The following GRK5 variants were observed in gnomAD, a reference collection of about 807,000 sequenced individuals.
GRK5 encodes g protein-coupled receptor kinase GRK5.
Under a neutral mutation model 78.4 loss-of-function variants are expected in GRK5, and 40 were observed. That is an observed-to-expected ratio of 0.51 (90% CI 0.40 to 0.66). The LOEUF is 0.66. Among genes scored for constraint, GRK5 ranks in the 30% least tolerant of loss-of-function variants. The pLI is 0.00. For missense variants in GRK5, 598 were observed against 759.9 expected (o/e 0.79, Z 2.50); for synonymous variants, 289 against 296.8 (o/e 0.97, Z 0.27).
intron 1 of GRK5, among the ~76,000 whole-genome samples, chr10:119,256,642 C>T (rs1283260038): frequency 6.6e-5 from 10 of 152,004 alleles, no homozygotes; most frequent in East Asian, 1.9e-4. Flanking sequence ...ACCCCTCACC[C>T]GTCGCCTCTT....
chr10:119,269,832 TAAAAAAAAAA>T (rs1158379424), intron 1 of GRK5, among the ~76,000 whole-genome samples: 1 of 96,148 alleles, frequency 1.0e-5, no homozygotes, highest in Non-Finnish European at 2.0e-5. Flanking sequence ...GACTCCATCT[TAAAAAAAAAA>T]AAAAAAAAAA....
intron 3 of GRK5, among the ~76,000 whole-genome samples, chr10:119,394,477 G>T: frequency 1.1e-5 from 1 of 88,074 alleles, no homozygotes; most frequent in Middle Eastern, 5.2e-3. Flanking sequence ...GTGGATGTGT[G>T]TGGGTGTGTG....
At chr10:119,326,711 G>A in intron 2 of GRK5, 100 bp downstream of exon 2, 2 of 848,530 alleles carry the variant, frequency 2.4e-6, no homozygotes, top group Admixed American at 1.9e-5. Context: ...CAAGCTGTCT[G>A]TGCAGTGAGG....
Position 119,431,413 on chromosome 10 carries a change from G to C in GRK5, c.624G>C (p.Thr208=). 1 of 1,613,874 alleles carries C rather than the reference G, an allele frequency of 6.2e-7. No homozygotes were observed. Among genetic ancestry groups the C allele is most frequent in the Non-Finnish European group, 8.5e-7 (1 of 1,179,826 alleles). ...GEVCACQVRA[T]GKMYACKRLE... is the part of the protein sequence containing the mutation. ...TCTGTGCCTGCCAGGTTCGGGCCACGGGTAAAATGTATGCCTGCAAGCGCT... is the reference window on the plus strand; with the variant it reads ...TCTGTGCCTGCCAGGTTCGGGCCACCGGTAAAATGTATGCCTGCAAGCGCT... The change falls in exon 8 of 16, where the codon ACG becomes ACC. Residue 208 remains threonine, a synonymous_variant. Coordinates refer to ENST00000392870, the MANE Select transcript of GRK5 (RefSeq NM_005308.3). This position sits in a 1 kb window ranked among gnomAD's most constrained non-coding sequence, Gnocchi z 4.8.
chr10:119,360,438 A>C (rs1213834636), intron 2 of GRK5, among the ~76,000 whole-genome samples: 1 of 151,358 alleles, frequency 6.6e-6, no homozygotes, highest in Non-Finnish European at 1.5e-5. Context: ...AGTCTGTGTG[A>C]GTGGGAGGAG....
intron 2 of GRK5, among the ~76,000 whole-genome samples, chr10:119,365,110 A>G (rs536446047): frequency 3.3e-5 from 5 of 152,352 alleles, no homozygotes; most frequent in Admixed American, 1.3e-4. Flanking sequence ...AGAGCTTACA[A>G]GGTCTAGACA....
intron 6 of GRK5, among the ~76,000 whole-genome samples, chr10:119,427,604 A>G (rs983749494): frequency 2.0e-5 from 3 of 151,948 alleles, no homozygotes; most frequent in African/African-American, 7.3e-5. Flanking sequence ...CATCACCATC[A>G]TCAGCATCAC....
At chr10:119,335,175 T>TCTCTCTCC (rs1387026472) in intron 2 of GRK5, among the ~76,000 whole-genome samples, 4 of 113,212 alleles carry the variant, frequency 3.5e-5, no homozygotes, top group African/African-American at 7.6e-5. Context: ...TCTCTCTCTC[T>TCTCTCTCC]CCCCCTCTCC....
At position 119,238,806 on chromosome 10, in the gene GRK5, A is replaced by G. The variant is rs901633299; in HGVS notation, c.52+30837A>G. 6.6e-6 allele frequency among the ~76,000 whole-genome samples: 1 copy of G among 152,176 alleles called. No individual in the cohort carries two copies. The highest frequency in any genetic ancestry group is 1.5e-5 in the Non-Finnish European group (1 of 68,036). ...ATGATGACCCCGGAGAAGGGTGGTC[A>G]TATGGCCAGTGTCAGGATTAATAGA... On this transcript the variant is annotated intron_variant, in intron 1 of 15. Coordinates refer to ENST00000392870, the MANE Select transcript of GRK5 (RefSeq NM_005308.3). This position sits in a 1 kb window ranked among gnomAD's most constrained non-coding sequence, Gnocchi z 4.7.
chr10:119,422,615 C>T (rs558067500), intron 4 of GRK5, among the ~76,000 whole-genome samples: 42 of 152,348 alleles, frequency 2.8e-4, no homozygotes, highest in African/African-American at 1.0e-3. Context: ...TTGGCCTGAT[C>T]CAAACCCTTT....
chr10:119,430,234 A>G lies in GRK5; in HGVS notation c.534-141A>G, dbSNP rs1203896153. 6.8e-6 allele frequency: 5 copies of G among 733,020 alleles called. No homozygotes were observed. The highest frequency in any genetic ancestry group is 1.2e-5 in the Non-Finnish European group (5 of 417,870). The allele number at this position is 733,020 out of a possible 1,614,324, so 45.4% of individuals were successfully genotyped here. On this transcript the variant is annotated intron_variant, in intron 6 of 15. Transcript: ENST00000392870. The surrounding 1 kb of genome is among the most constrained non-coding windows in gnomAD (Gnocchi z 4.5). ...GTCCTCGAAGGTCCAGTCTCCAGCG[A>G]TGATTCCTGGGGGGTCCCTGGGGCT... is the stretch of plus-strand genomic sequence containing the variant.
At chr10:119,241,866 A>T (rs1849033638) in intron 1 of GRK5, among the ~76,000 whole-genome samples, 1 of 152,228 alleles carries the variant, frequency 6.6e-6, no homozygotes, top group Admixed American at 6.5e-5. Flanking sequence ...TCATAGGGAA[A>T]TGTGGCTCAA....
At chr10:119,382,980 G>T (rs529713559) in intron 3 of GRK5, among the ~76,000 whole-genome samples, 2 of 152,022 alleles carry the variant, frequency 1.3e-5, no homozygotes, top group Non-Finnish European at 2.9e-5. Context: ...GGAGTACAGT[G>T]GTGCGATCTC....
chr10:119,278,228 G>A (rs746628092), intron 1 of GRK5, among the ~76,000 whole-genome samples: 4 of 152,158 alleles, frequency 2.6e-5, no homozygotes, highest in East Asian at 1.9e-4. Context: ...GGCCCTGAGC[G>A]ATGGCTCCTA....
intron 2 of GRK5, chr10:119,334,705 A>T (rs941077809): frequency 6.6e-6 from 1 of 152,216 alleles, no homozygotes; most frequent in Admixed American, 6.5e-5. Context: ...CATTAAAAAA[A>T]GTCTGAGGGG....
At chr10:119,425,181 A>C in intron 6 of GRK5, 96 bp downstream of exon 6, 35 of 866,276 alleles carry the variant, frequency 4.0e-5, no homozygotes, top group Non-Finnish European at 6.0e-5. Flanking sequence ...CCGTGGGCTC[A>C]TGGTTAAAAC....
chr10:119,215,419 G>T (rs951230594), intron 1 of GRK5, among the ~76,000 whole-genome samples: 2 of 151,636 alleles, frequency 1.3e-5, no homozygotes, highest in African/African-American at 2.4e-5. Context: ...GCAGGGAGTT[G>T]GGGAGAGAGA....
chr10:119,280,399 C>T (rs555515450), intron 1 of GRK5, among the ~76,000 whole-genome samples: 2 of 152,308 alleles, frequency 1.3e-5, no homozygotes, highest in Non-Finnish European at 1.5e-5. Context: ...CCTGCAGGAA[C>T]GTGAATGTCG....
chr10:119,293,052 C>T (rs1442819164), intron 1 of GRK5, among the ~76,000 whole-genome samples: 3 of 152,090 alleles, frequency 2.0e-5, no homozygotes, highest in Non-Finnish European at 1.5e-5. Context: ...ATTCTGGAGC[C>T]GTATGAACAA....
Sources: gnomAD v4.1 joint callset for allele counts (sites outside exome capture counted in the v4.1 genomes callset) on GRCh38, gnomAD v4.1.1 for gene constraint, Gnocchi (gnomAD v3.1) non-coding constraint, MANE v1.5 for transcripts, NCBI Gene and HGNC (gene_info 2026-07-23, HGNC 2026-07-21) for gene names.